The following HIBCH variants were observed in gnomAD, a reference collection of about 807,000 sequenced individuals.
The protein encoded by HIBCH is 3-hydroxyisobutyryl-CoA hydrolase, mitochondrial.
Under a neutral mutation model 58.2 loss-of-function variants are expected in HIBCH, and 50 were observed. The ratio of observed to expected loss-of-function variants is 0.86; its 90% CI spans 0.68 to 1.09. The LOEUF is 1.09. Among genes scored for constraint, HIBCH ranks in the 50% least tolerant of loss-of-function variants. The pLI is 0.00. For missense variants in HIBCH, 450 were observed against 449.7 expected (o/e 1.00, Z -0.01); for synonymous variants, 151 against 146.9 (o/e 1.03, Z -0.20).
intron 7 of HIBCH, among the ~76,000 whole-genome samples, chr2:190,258,990 T>A (rs1687008865): frequency 6.6e-6 from 1 of 152,328 alleles, no homozygotes; most frequent in Admixed American, 6.5e-5. Context: ...TATTCATTTT[T>A]ATTCCAGTAC....
In HIBCH at chr2:190,279,014, C is replaced by T. The variant is rs1472559921; in HGVS notation, c.438+8572G>A. On this transcript the variant is annotated intron_variant, in intron 6 of 13. Transcript: ENST00000359678. This position sits in a 1 kb window ranked among gnomAD's most constrained non-coding sequence, Gnocchi z 4.2. ...TGGGCAATTTATAAAGAAAAGGAAT[C>T]TATGTCTTACAGCTCTTCTGGAGAT... Among the ~76,000 whole-genome samples the T allele has an allele frequency of 6.6e-6, 1 of 152,180 alleles. No homozygotes were observed. Among genetic ancestry groups the T allele is most frequent in the Non-Finnish European group, 1.5e-5 (1 of 68,026 alleles).
At chr2:190,272,977 T>C (rs1687444354) in intron 6 of HIBCH, among the ~76,000 whole-genome samples, 1 of 152,132 alleles carries the variant, frequency 6.6e-6, no homozygotes, top group Non-Finnish European at 1.5e-5. Flanking sequence ...ATCACTTAGA[T>C]GATAATCCAT....
At chr2:190,229,844 AT>A (rs11418020) in intron 11 of HIBCH, among the ~76,000 whole-genome samples, 42 of 148,928 alleles carry the variant, frequency 2.8e-4, no homozygotes, top group Non-Finnish European at 2.1e-4. Context: ...ATATGGCTGG[AT>A]TTTTTTTTTT....
At chr2:190,226,967 T>G (rs1227379669) in intron 11 of HIBCH, among the ~76,000 whole-genome samples, 1 of 152,184 alleles carries the variant, frequency 6.6e-6, no homozygotes, top group Non-Finnish European at 1.5e-5. Flanking sequence ...TGCTCATGGA[T>G]GGGAAGAATC....
rs1690463052 is a variant in HIBCH at position 190,209,258 on chromosome 2, ACCTTTTTT to A, written c.1012-353_1012-346del. On this transcript the variant is annotated intron_variant, in intron 12 of 13. Transcript: ENST00000359678. This position sits in a 1 kb window ranked among gnomAD's most constrained non-coding sequence, Gnocchi z 5.6. ...GTCAAAATGTCATCATCTCCCTCAA[ACCTTTTTT>A]CCTTTTTTACAATCCTAGCAAAATC... 6.6e-6 allele frequency among the ~76,000 whole-genome samples: 1 copy of A among 151,912 alleles called. No individual in the cohort carries two copies. Among genetic ancestry groups the A allele is most frequent in the Admixed American group, 6.6e-5 (1 of 15,230 alleles).
rs190067514 is a variant in HIBCH at position 190,191,407 on chromosome 2, A to G, written c.*18-1410T>C. On this transcript the variant is annotated intron_variant, in intron 1 of 1. Coordinates refer to the HIBCH transcript ENST00000399855. The stretch of plus-strand genomic sequence containing the variant: ...TGATCTACCCACCAAGGCCTCCCAA[A>G]ATACTGGGATTACAGGCATGCGCCA... Among the ~76,000 whole-genome samples, 211 of 152,316 alleles carry G rather than the reference A, an allele frequency of 1.4e-3. 1 individual carries two copies. Among genetic ancestry groups the G allele is most frequent in the Middle Eastern group, 0.01 (3 of 294 alleles).
At chr2:190,218,008 T>C (rs186097667) in intron 11 of HIBCH, among the ~76,000 whole-genome samples, 34 of 152,254 alleles carry the variant, frequency 2.2e-4, no homozygotes, top group Admixed American at 1.0e-3. Context: ...GGAAACCCTA[T>C]TGGATAGGGC....
chr2:190,249,848 G>C, intron 8 of HIBCH, 122 bp from the exon 9 acceptor site: 1 of 695,912 alleles, frequency 1.4e-6, no homozygotes, highest in East Asian at 2.8e-5. Flanking sequence ...GTCTCTTCAG[G>C]TGAATCACTG....
In HIBCH at chr2:190,216,485, T is replaced by C. The variant is rs142028945; in HGVS notation, c.892-3410A>G. Among the ~76,000 whole-genome samples, 252 of 152,176 alleles carry C rather than the reference T, an allele frequency of 1.7e-3. No individual in the cohort carries two copies. The highest frequency in any genetic ancestry group is 5.8e-3 in the African/African-American group (242 of 41,500). On this transcript the variant is annotated intron_variant, in intron 11 of 13. Transcript: ENST00000359678. The surrounding 1 kb of genome is among the most constrained non-coding windows in gnomAD (Gnocchi z 4.2). ...CTATATAAGTTAGATCAGAGGGTTGTAAACTCAAATGACTACAGGGCCAGT... is the reference window on the plus strand; with the variant it reads ...CTATATAAGTTAGATCAGAGGGTTGCAAACTCAAATGACTACAGGGCCAGT...
intron 6 of HIBCH, among the ~76,000 whole-genome samples, chr2:190,265,243 T>C (rs1006152817): frequency 4.6e-5 from 7 of 152,112 alleles, no homozygotes; most frequent in African/African-American, 1.4e-4. Context: ...GAGTTTGCTG[T>C]TTCTACATCC....
chr2:190,242,925 G>A (rs375326374), intron 11 of HIBCH, among the ~76,000 whole-genome samples: 11 of 152,202 alleles, frequency 7.2e-5, no homozygotes, highest in Admixed American at 2.6e-4. Flanking sequence ...ATTTCTGGTC[G>A]TACAAAGGGT....
chr2:190,274,577 T>C (rs954475323), intron 6 of HIBCH, among the ~76,000 whole-genome samples: 2 of 152,232 alleles, frequency 1.3e-5, no homozygotes, highest in African/African-American at 4.8e-5. Flanking sequence ...GGGGGAATTT[T>C]CCCTTTACCT....
At chr2:190,260,446 A>G (rs937713700) in intron 7 of HIBCH, 1 of 152,216 alleles carries the variant, frequency 6.6e-6, no homozygotes, top group African/African-American at 2.4e-5. Flanking sequence ...AAGACTCGAT[A>G]GTGTTAAGAT....
At chr2:190,229,783 G>A (rs1309723046) in intron 11 of HIBCH, among the ~76,000 whole-genome samples, 1 of 151,150 alleles carries the variant, frequency 6.6e-6, no homozygotes, top group Non-Finnish European at 1.5e-5. Context: ...AGGGCAAATA[G>A]TGCACAGAAA....
At chr2:190,212,906 G>T (rs564202251) in intron 12 of HIBCH, 50 bp downstream of exon 12, 3 of 1,482,540 alleles carry the variant, frequency 2.0e-6, no homozygotes, top group Non-Finnish European at 2.8e-6. Context: ...TACAATAAAC[G>T]TATGTTACTT....
chr2:190,232,658 C>CA (rs1271453659), intron 11 of HIBCH, among the ~76,000 whole-genome samples: 2 of 152,048 alleles, frequency 1.3e-5, no homozygotes, highest in African/African-American at 4.8e-5. Flanking sequence ...ACTTTTATGA[C>CA]AAAAAACATA....
intron 1 of HIBCH, among the ~76,000 whole-genome samples, chr2:190,314,601 C>T (rs916927348): frequency 2.0e-5 from 3 of 151,894 alleles, no homozygotes; most frequent in African/African-American, 7.3e-5. Context: ...GCCTCAGCCT[C>T]CCGAGTAGCT....
intron 11 of HIBCH, chr2:190,213,359 C>T (rs1690558469): frequency 2.6e-6 from 1 of 390,670 alleles, no homozygotes; most frequent in Non-Finnish European, 4.8e-6. Context: ...AAGCAAACAG[C>T]AATTACACTT....
intron 4 of HIBCH, 112 bp from the exon 5 acceptor site, chr2:190,290,597 G>T: frequency 1.3e-6 from 1 of 744,704 alleles, no homozygotes; most frequent in Non-Finnish European, 2.3e-6. Context: ...ACTCTAAAAT[G>T]ACTTGTTAAA....
Sources: allele counts gnomAD v4.1 joint callset (sites outside exome capture counted in the v4.1 genomes callset), GRCh38; gene constraint gnomAD v4.1.1; non-coding constraint Gnocchi (gnomAD v3.1); transcripts MANE v1.5; gene names NCBI Gene and HGNC (gene_info 2026-07-23, HGNC 2026-07-21).